Variants in UBP1 observed in about 807,000 individuals in gnomAD.
UBP1 encodes upstream binding protein 1.
A neutral mutation model predicts 76.1 loss-of-function variants in UBP1; 22 were observed. That is an observed-to-expected ratio of 0.29 (90% CI 0.21 to 0.41). The LOEUF is 0.41. UBP1 is among the 10% of genes least tolerant of loss of function. The probability of loss-of-function intolerance (pLI) is 1.00; values close to 1 mark genes in which losing one functional copy is unlikely to be tolerated. For synonymous variants in UBP1, 224 were observed against 237.1 expected (o/e 0.94, Z 0.51); for missense variants, 436 against 668.1 (o/e 0.65, Z 3.83).
intron 3 of UBP1, among the ~76,000 whole-genome samples, 157 bp downstream of exon 3, chr3:33,416,601 C>G (rs72852090): frequency 0.065 from 9,944 of 152,162 alleles, 1,090 homozygotes; most frequent in African/African-American, 0.22. Flanking sequence ...CCAATAACTG[C>G]TATAATTCCC....
intron 2 of UBP1, among the ~76,000 whole-genome samples, chr3:33,421,114 G>A (rs994997550): frequency 3.3e-5 from 5 of 152,196 alleles, no homozygotes; most frequent in African/African-American, 4.8e-5. Context: ...CAGCTGTTAA[G>A]ACAAAAGGCA....
intron 9 of UBP1, among the ~76,000 whole-genome samples, chr3:33,401,623 C>T (rs1000872636): frequency 5.3e-5 from 8 of 152,214 alleles, no homozygotes; most frequent in African/African-American, 1.7e-4. Flanking sequence ...CCTTTCTTAG[C>T]CCCCGTGCCT....
At chr3:33,407,299 A>G (rs2044452519) in intron 8 of UBP1, among the ~76,000 whole-genome samples, 1 of 152,178 alleles carries the variant, frequency 6.6e-6, no homozygotes, top group South Asian at 2.1e-4. Flanking sequence ...TCCCATCTTC[A>G]GATTACCTCT....
intron 12 of UBP1, 149 bp from the exon 13 acceptor site, chr3:33,396,429 T>C: frequency 1.8e-6 from 1 of 571,364 alleles, no homozygotes; most frequent in Non-Finnish European, 3.0e-6. Flanking sequence ...CTAATAAAAA[T>C]ATAAAAACCA....
At chr3:33,404,591 G>A (rs1170382843) in intron 8 of UBP1, among the ~76,000 whole-genome samples, 1 of 151,868 alleles carries the variant, frequency 6.6e-6, no homozygotes, top group Non-Finnish European at 1.5e-5. Flanking sequence ...AGGCTGCAGT[G>A]AGCCATGACT....
intron 1 of UBP1, among the ~76,000 whole-genome samples, chr3:33,430,878 C>A (rs2045101468): frequency 6.6e-6 from 1 of 152,100 alleles, no homozygotes; most frequent in African/African-American, 2.4e-5. Context: ...CACTAAATCC[C>A]TCTCTGCTTG....
intron 1 of UBP1, among the ~76,000 whole-genome samples, chr3:33,427,614 A>G (rs1054005566): frequency 6.6e-6 from 1 of 152,202 alleles, no homozygotes; most frequent in African/African-American, 2.4e-5. Context: ...GTGAAATGGG[A>G]CGGAAACCCT....
At chr3:33,392,645 A>G in intron 14 of UBP1, 31 bp from the exon 15 acceptor site, 2 of 1,572,686 alleles carry the variant, frequency 1.3e-6, no homozygotes, top group Non-Finnish European at 1.7e-6. Context: ...CGTAAGTACA[A>G]TTAAGATCCA....
At chr3:33,428,871 T>C (rs2045065801) in intron 1 of UBP1, among the ~76,000 whole-genome samples, 1 of 150,046 alleles carries the variant, frequency 6.7e-6, no homozygotes, top group African/African-American at 2.5e-5. Flanking sequence ...TCACCCTCAT[T>C]CCCCCTGCTC....
chr3:33,392,151 T>C (rs1362403871), intron 15 of UBP1: 2 of 158,812 alleles, frequency 1.3e-5, no homozygotes, highest in Non-Finnish European at 2.8e-5. Flanking sequence ...AGATCTCCCT[T>C]ATCCATAAGT....
chr3:33,407,687 T>G (rs566950089), intron 8 of UBP1, among the ~76,000 whole-genome samples: 2 of 152,344 alleles, frequency 1.3e-5, no homozygotes, highest in South Asian at 4.1e-4. Flanking sequence ...ATGAGTTTCT[T>G]GTGATAGTGC....
intron 8 of UBP1, among the ~76,000 whole-genome samples, chr3:33,404,476 TAATAGGATTA>T (rs2044361076): frequency 7.2e-6 from 1 of 138,282 alleles, no homozygotes; most frequent in Non-Finnish European, 1.5e-5. Flanking sequence ...AAGCTAAAGA[TAATAGGATTA>T]AAAAAAAAAA....
intron 2 of UBP1, among the ~76,000 whole-genome samples, chr3:33,420,518 C>T (rs1193262054): frequency 2.2e-5 from 3 of 133,392 alleles, no homozygotes; most frequent in African/African-American, 8.6e-5. Context: ...GAGACAGAGT[C>T]TCACACTGCC....
chr3:33,431,312 G>A (rs765413920), intron 1 of UBP1, among the ~76,000 whole-genome samples: 2 of 152,202 alleles, frequency 1.3e-5, no homozygotes, highest in African/African-American at 4.8e-5. Flanking sequence ...CTGAAGACAG[G>A]AAGGCTGAGC....
chr3:33,418,625 G>A (rs1439771574), intron 2 of UBP1, among the ~76,000 whole-genome samples: 12 of 151,730 alleles, frequency 7.9e-5, no homozygotes, highest in African/African-American at 2.2e-4. Flanking sequence ...TTGGGAGCCC[G>A]AGGCGGGCAG....
At chr3:33,420,067 T>G (rs539181503) in intron 2 of UBP1, among the ~76,000 whole-genome samples, 2 of 152,256 alleles carry the variant, frequency 1.3e-5, no homozygotes, top group South Asian at 2.1e-4. Context: ...TAGTCTAGCT[T>G]CATCAAATGG....
At chr3:33,419,008 T>C (rs945525383) in intron 2 of UBP1, among the ~76,000 whole-genome samples, 1 of 151,816 alleles carries the variant, frequency 6.6e-6, no homozygotes, top group African/African-American at 2.4e-5. Flanking sequence ...ATTAGAGAAA[T>C]GCAAATTAAA....
intron 13 of UBP1, among the ~76,000 whole-genome samples, chr3:33,393,946 G>A (rs1346581148): frequency 6.6e-6 from 1 of 152,042 alleles, no homozygotes; most frequent in Non-Finnish European, 1.5e-5. Context: ...GAAGAAAGCT[G>A]TTTTTAAAAA....
chr3:33,423,228 C>CT (rs1447470953), intron 2 of UBP1, among the ~76,000 whole-genome samples: 1 of 151,918 alleles, frequency 6.6e-6, no homozygotes, highest in Non-Finnish European at 1.5e-5. Flanking sequence ...CTAGTAGAGA[C>CT]GGGGTTTCAC....
Sources: gnomAD v4.1 joint callset for allele counts (sites outside exome capture counted in the v4.1 genomes callset) on GRCh38, gnomAD v4.1.1 for gene constraint, MANE v1.5 for transcripts, NCBI Gene and HGNC (gene_info 2026-07-23, HGNC 2026-07-21) for gene names.